Variants in COL6A5 observed in about 807,000 individuals in gnomAD.
COL6A5 encodes collagen type VI alpha 5 chain.
In COL6A5, 48 loss-of-function variants were observed where a neutral mutation model predicts 65.6. That is an observed-to-expected ratio of 0.73 (90% confidence interval 0.58 to 0.93). COL6A5 has a LOEUF of 0.93. Among genes scored for constraint, COL6A5 ranks in the 40% least tolerant of loss-of-function variants. The pLI is 0.00. For missense variants in COL6A5, 914 were observed against 928.3 expected (o/e 0.98, Z 0.20); for synonymous variants, 291 against 322.8 (o/e 0.90, Z 1.05).
chr3:130,432,458 G>A (rs970684497), intron 1 of COL6A5, among the ~76,000 whole-genome samples: 1 of 151,758 alleles, frequency 6.6e-6, no homozygotes, highest in African/African-American at 2.4e-5. Flanking sequence ...GGCTGAGACA[G>A]GAGGCTCACT....
intron 4 of COL6A5, among the ~76,000 whole-genome samples, chr3:130,452,814 G>A (rs2107596463): frequency 6.6e-6 from 1 of 152,252 alleles, no homozygotes; most frequent in Non-Finnish European, 1.5e-5. Context: ...CATCCCTACA[G>A]TTTCGACCAT....
At chr3:130,422,674 A>C in intron 27 of COL6A5, 46 bp from the exon 28 acceptor site, 2 of 1,239,268 alleles carry the variant, frequency 1.6e-6, no homozygotes, top group Non-Finnish European at 1.1e-6. Context: ...TAATTCTTTC[A>C]TAGCAAATAC....
intron 20 of COL6A5, among the ~76,000 whole-genome samples, chr3:130,413,229 G>A (rs1011160626): frequency 2.0e-5 from 3 of 147,452 alleles, no homozygotes; most frequent in African/African-American, 7.3e-5. Flanking sequence ...GGGATTTGCC[G>A]GAGAGGGAAA....
upstream of COL6A5, among the ~76,000 whole-genome samples, chr3:130,430,457 C>T (rs1159734675): frequency 6.6e-6 from 1 of 151,972 alleles, no homozygotes; most frequent in African/African-American, 2.4e-5. Flanking sequence ...TGGGAGTTAG[C>T]CAGATTGGGG....
At chr3:130,374,628 A>G (rs1361115538) in intron 2 of COL6A5, among the ~76,000 whole-genome samples, 2 of 151,894 alleles carry the variant, frequency 1.3e-5, no homozygotes, top group African/African-American at 4.8e-5. Flanking sequence ...TAATTTTTAT[A>G]TTTTTTGTAG....
intron 28 of COL6A5, 97 bp from the exon 29 acceptor site, chr3:130,423,741 A>T: frequency 1.2e-6 from 1 of 831,330 alleles, no homozygotes; most frequent in Non-Finnish European, 1.8e-6. Context: ...TATCTTTTTA[A>T]AATTTTTTTT....
intron 5 of COL6A5, among the ~76,000 whole-genome samples, chr3:130,459,764 A>G (rs1709663392): frequency 6.6e-6 from 1 of 152,018 alleles, no homozygotes; most frequent in Non-Finnish European, 1.5e-5. Context: ...ATTATACCAC[A>G]TAAAAATTCA....
chr3:130,345,822 G>C (rs62284280), exon 1 of COL6A5: 1 of 270,368 alleles, frequency 3.7e-6, no homozygotes, highest in Middle Eastern at 7.6e-4. Context: ...ACCAGGGCGT[G>C]CGGCGCGGAC....
chr3:130,441,655 C>G (rs965972657), intron 3 of COL6A5, among the ~76,000 whole-genome samples: 27 of 152,108 alleles, frequency 1.8e-4, no homozygotes, highest in African/African-American at 6.3e-4. Context: ...CAATATGGCA[C>G]AATTTGCCCC....
chr3:130,449,710 G>T (rs1180686748), intron 4 of COL6A5, among the ~76,000 whole-genome samples: 4 of 152,096 alleles, frequency 2.6e-5, no homozygotes, highest in East Asian at 1.9e-4. Flanking sequence ...CCTTTTCACC[G>T]CCGGAGCCCA....
chr3:130,451,188 C>T (rs1246972423), intron 4 of COL6A5, among the ~76,000 whole-genome samples: 5 of 152,082 alleles, frequency 3.3e-5, no homozygotes, highest in East Asian at 1.9e-4. Flanking sequence ...GTGGGTCTAG[C>T]GCGACCGGAT....
chr3:130,379,843 G>A (rs1381297334), exon 4 of COL6A5: 3 of 1,551,218 alleles, frequency 1.9e-6, no homozygotes, highest in African/African-American at 2.7e-5. Flanking sequence ...TCGACTGGAG[G>A]ATGTAAACGT....
intron 24 of COL6A5, 31 bp downstream of exon 24, chr3:130,416,850 T>A: frequency 1.8e-6 from 2 of 1,129,756 alleles, no homozygotes; most frequent in Non-Finnish European, 2.5e-6. Context: ...TTAATTCTTT[T>A]AAAAACATAT....
At chr3:130,373,732 T>A in intron 2 of COL6A5, 27 bp downstream of exon 2, 1 of 1,390,634 alleles carries the variant, frequency 7.2e-7, no homozygotes, top group Non-Finnish European at 9.8e-7. Context: ...CGTTTATTAT[T>A]ATTTAGGAAA....
exon 6 of COL6A5, chr3:130,469,461 C>T (rs1709896617): frequency 6.2e-7 from 1 of 1,611,532 alleles, no homozygotes; most frequent in African/African-American, 1.3e-5. Flanking sequence ...TTTGTCAAGC[C>T]ATTTGTCCAT....
chr3:130,385,680 T>C (rs747736167), intron 5 of COL6A5, among the ~76,000 whole-genome samples: 36 of 151,974 alleles, frequency 2.4e-4, no homozygotes, highest in Non-Finnish European at 4.6e-4. Flanking sequence ...TGTGTGTGTG[T>C]GTATGTATGT....
At chr3:130,421,420 G>A in intron 27 of COL6A5, 60 bp downstream of exon 27, 3 of 1,481,906 alleles carry the variant, frequency 2.0e-6, no homozygotes, top group Non-Finnish European at 1.8e-6. Flanking sequence ...TGAGAACTGA[G>A]ATAAACCTGT....
At chr3:130,479,114 G>A (rs1316802972) in intron 7 of COL6A5, among the ~76,000 whole-genome samples, 5 of 152,016 alleles carry the variant, frequency 3.3e-5, no homozygotes, top group Non-Finnish European at 7.4e-5. Context: ...TAGGAGGTAG[G>A]ATATTTGTGA....
At position 130,443,582 on chromosome 3, in the gene COL6A5, C is replaced by T; in HGVS notation, c.1332+16C>T. The T allele has an allele frequency of 6.5e-7, 1 of 1,532,398 alleles. No individual in the cohort carries two copies. 94.9% of individuals were successfully genotyped at this position (1,532,398 alleles called of 1,614,324 possible). A position where few individuals can be genotyped will look rare whatever the true frequency, so the allele number is the denominator to read the frequency against. On this transcript the variant is annotated intron_variant, in intron 4 of 7. Coordinates refer to ENST00000512836, the Ensembl canonical transcript of COL6A5. ...ATGGTTTCCAGTAAGTTAGAAAGCT[C>T]TTATATTTACAAGTGACTGCTAATT...
Sources: gnomAD v4.1 joint callset for allele counts (sites outside exome capture counted in the v4.1 genomes callset) on GRCh38, gnomAD v4.1.1 for gene constraint, MANE v1.5 for transcripts, NCBI Gene and HGNC (gene_info 2026-07-23, HGNC 2026-07-21) for gene names.